Variants in CSGALNACT1 observed in about 807,000 individuals in gnomAD.
The protein encoded by CSGALNACT1 is beta4GalNAcT-1.
Under a neutral mutation model 51.0 loss-of-function variants are expected in CSGALNACT1, and 52 were observed. The observed-to-expected ratio is 1.02, with a 90% confidence interval of 0.82 to 1.29. The LOEUF is 1.29. CSGALNACT1 is among the 50% of genes most tolerant of loss of function. The probability of loss-of-function intolerance (pLI) is 0.00; values close to 1 mark genes in which losing one functional copy is unlikely to be tolerated. For synonymous variants in CSGALNACT1, 341 were observed against 254.4 expected (o/e 1.34, Z -3.24); for missense variants, 935 against 679.2 (o/e 1.38, Z -4.19).
chr8:19,423,052 C>T (rs1204729965), intron 6 of CSGALNACT1, among the ~76,000 whole-genome samples: 1 of 152,174 alleles, frequency 6.6e-6, no homozygotes, highest in African/African-American at 2.4e-5. Context: ...CTTCCTCACT[C>T]AGGTTGCACC....
At chr8:19,581,010 G>C (rs759896027) in intron 3 of CSGALNACT1, among the ~76,000 whole-genome samples, 4 of 152,116 alleles carry the variant, frequency 2.6e-5, no homozygotes, top group Non-Finnish European at 4.4e-5. Context: ...TCACATTTAA[G>C]ACAGGAAAAA....
At chr8:19,460,427 A>C (rs566803880) in intron 4 of CSGALNACT1, among the ~76,000 whole-genome samples, 1 of 152,368 alleles carries the variant, frequency 6.6e-6, no homozygotes, top group South Asian at 2.1e-4. Flanking sequence ...AACATACAAT[A>C]GCTAGGGTTC....
intron 3 of CSGALNACT1, among the ~76,000 whole-genome samples, chr8:19,572,352 C>T (rs76263485): frequency 0.063 from 9,591 of 152,170 alleles, 1,010 homozygotes; most frequent in African/African-American, 0.22. Context: ...TTCAGTGAAA[C>T]AACAGCAGTA....
At chr8:19,638,389 T>C (rs1310933013) in intron 1 of CSGALNACT1, among the ~76,000 whole-genome samples, 1 of 152,142 alleles carries the variant, frequency 6.6e-6, no homozygotes, top group African/African-American at 2.4e-5. Flanking sequence ...CGGTGCCCAC[T>C]TGTCTTTGGG....
intron 3 of CSGALNACT1, among the ~76,000 whole-genome samples, chr8:19,530,311 TACACACACAC>T (rs72389712): frequency 3.5e-4 from 21 of 59,718 alleles, no homozygotes; most frequent in Non-Finnish European, 6.6e-4. Flanking sequence ...TGTGTACACA[TACACACACAC>T]ACACACACAC....
chr8:19,511,788 G>C (rs1423274921), intron 3 of CSGALNACT1, among the ~76,000 whole-genome samples: 1 of 152,206 alleles, frequency 6.6e-6, no homozygotes, highest in East Asian at 1.9e-4. Context: ...TTGACTCACA[G>C]TTCCACAGCT....
chr8:19,738,655 G>A (rs1045991338), intron 1 of CSGALNACT1, among the ~76,000 whole-genome samples: 9 of 152,014 alleles, frequency 5.9e-5, no homozygotes, highest in Non-Finnish European at 1.3e-4. Flanking sequence ...ATTTTACCAT[G>A]ATAAAAAAAT....
At chr8:19,521,746 C>T (rs1300060574) in intron 3 of CSGALNACT1, among the ~76,000 whole-genome samples, 1 of 152,194 alleles carries the variant, frequency 6.6e-6, no homozygotes, top group African/African-American at 2.4e-5. Flanking sequence ...AAAAATAACA[C>T]ACACAAGAGA....
chr8:19,421,283 T>C (rs1012766277), intron 6 of CSGALNACT1, among the ~76,000 whole-genome samples: 1 of 152,234 alleles, frequency 6.6e-6, no homozygotes, highest in African/African-American at 2.4e-5. Context: ...GTGATTAGCA[T>C]GGGCAAGGAT....
intron 2 of CSGALNACT1, among the ~76,000 whole-genome samples, chr8:19,593,964 G>A (rs2048365652): frequency 6.6e-6 from 1 of 152,190 alleles, no homozygotes; most frequent in Non-Finnish European, 1.5e-5. Context: ...GGACTGGAAT[G>A]GTGACTTGGA....
intron 3 of CSGALNACT1, among the ~76,000 whole-genome samples, chr8:19,530,954 A>G (rs1434647279): frequency 6.6e-6 from 1 of 151,988 alleles, no homozygotes; most frequent in Non-Finnish European, 1.5e-5. Context: ...GTTCTCTGCC[A>G]CTCCCCACAG....
chr8:19,662,647 A>C (rs2058859873), intron 1 of CSGALNACT1, among the ~76,000 whole-genome samples: 1 of 152,186 alleles, frequency 6.6e-6, no homozygotes, highest in Admixed American at 6.5e-5. Context: ...TCCTGAAGTG[A>C]AACATCTGTG....
At chr8:19,473,125 T>C (rs1257075141) in intron 4 of CSGALNACT1, among the ~76,000 whole-genome samples, 1 of 152,194 alleles carries the variant, frequency 6.6e-6, no homozygotes, top group Non-Finnish European at 1.5e-5. Flanking sequence ...TGCTAGTTTT[T>C]TCAAGTCGCC....
chr8:19,517,414 T>C (rs1483956548), intron 3 of CSGALNACT1, among the ~76,000 whole-genome samples: 1 of 152,062 alleles, frequency 6.6e-6, no homozygotes, highest in Non-Finnish European at 1.5e-5. Flanking sequence ...TACTCCAGCA[T>C]AGTCAACAAG....
chr8:19,448,379 C>T (rs780186010), intron 5 of CSGALNACT1, among the ~76,000 whole-genome samples: 4 of 152,080 alleles, frequency 2.6e-5, no homozygotes, highest in East Asian at 1.9e-4. Flanking sequence ...GGTTTTCCTG[C>T]GATTTTCCAG....
intron 3 of CSGALNACT1, among the ~76,000 whole-genome samples, chr8:19,513,404 T>TTCTC (rs146482632): frequency 0.57 from 55,163 of 96,362 alleles, 15,917 homozygotes; most frequent in African/African-American, 0.72. Context: ...TCATAGAATT[T>TTCTC]TCTCTCTCTC....
intron 1 of CSGALNACT1, among the ~76,000 whole-genome samples, chr8:19,729,594 C>G (rs982843497): frequency 2.0e-5 from 3 of 152,162 alleles, no homozygotes; most frequent in African/African-American, 7.2e-5. Context: ...ACTTAGAGAG[C>G]CTAGGACCTC....
At chr8:19,465,399 G>T (rs2066445150) in intron 4 of CSGALNACT1, among the ~76,000 whole-genome samples, 1 of 152,176 alleles carries the variant, frequency 6.6e-6, no homozygotes, top group African/African-American at 2.4e-5. Context: ...TTGAGAAGAT[G>T]AAAGTACTCT....
intron 1 of CSGALNACT1, among the ~76,000 whole-genome samples, chr8:19,752,077 G>GTA (rs1554475614): frequency 1.4e-5 from 2 of 146,940 alleles, no homozygotes; most frequent in African/African-American, 5.0e-5. Context: ...TATATGATAT[G>GTA]ATGATGATGA....
Sources: allele counts gnomAD v4.1 joint callset (sites outside exome capture counted in the v4.1 genomes callset), GRCh38; gene constraint gnomAD v4.1.1; transcripts MANE v1.5; gene names NCBI Gene and HGNC (gene_info 2026-07-23, HGNC 2026-07-21).